KLF17: variants seen among roughly 807,000 people sequenced by gnomAD.
KLF17 encodes the protein Krueppel-like factor 17.
Under a neutral mutation model 34.2 loss-of-function variants are expected in KLF17, and 31 were observed. That is an observed-to-expected ratio of 0.91 (90% confidence interval 0.68 to 1.22). KLF17 has a LOEUF of 1.22. Ranked by LOEUF, KLF17 falls within the 50% of genes most tolerant of loss-of-function variation. KLF17 has a pLI of 0.00. For synonymous variants in KLF17, 179 were observed against 186.7 expected, an observed-to-expected ratio of 0.96 and a Z score of 0.34; for missense variants, 478 against 505.2, an observed-to-expected ratio of 0.95 and a Z score of 0.52.
At chr1:44,106,437 C>G in the KLF17 span, 1 of 152,214 alleles carries the variant, frequency 6.6e-6, no homozygotes. Context: ...CACTATACCC[C>G]ATCCCTATTC....
Position 44,130,033 on chromosome 1 carries a change from G to A in KLF17, c.762G>A (p.Gln254=). Residue 254 remains glutamine (Q), a synonymous_variant, in exon 2 of 4, where the codon CAG becomes CAA. Coordinates refer to ENST00000372299, the MANE Select transcript of KLF17 (RefSeq NM_173484.4). The part of the protein sequence containing the change: ...DSQEGPFLPE[Q]PGPAPQTVEK... Reference sequence around the variant, plus strand: ...AAGAAGGCCCATTTCTACCAGAGCAGCCCGGACCTGCTCCACAGACAGTAG... The same window carrying A: ...AAGAAGGCCCATTTCTACCAGAGCAACCCGGACCTGCTCCACAGACAGTAG... 6.2e-7 allele frequency: 1 copy of A among 1,614,206 alleles called. No individual in the cohort carries two copies. The highest frequency in any genetic ancestry group is 1.3e-5 in the African/African-American group (1 of 75,038).
At chr1:44,131,982 A>T (rs1178916167) in intron 3 of KLF17, among the ~76,000 whole-genome samples, 1 of 152,116 alleles carries the variant, frequency 6.6e-6, no homozygotes, top group Non-Finnish European at 1.5e-5. Context: ...AGCATAAGCC[A>T]TGGTGTCTGG....
At chr1:44,045,151 GC>G in the KLF17 span, 1 of 152,232 alleles carries the variant, frequency 6.6e-6, no homozygotes, top group African/African-American at 2.4e-5. Context: ...TTCCACAGGG[GC>G]GGGATGTTCT....
the KLF17 span, chr1:44,103,339 C>G: frequency 3.3e-6 from 1 of 307,204 alleles, no homozygotes; most frequent in Non-Finnish European, 6.0e-6. Flanking sequence ...ACTCGGACAC[C>G]GGACTCGGAC....
At position 44,130,562 on chromosome 1, in the gene KLF17, C is replaced by T. The variant is rs745641456; in HGVS notation, c.976C>T (p.Arg326Cys). ...NWESCSWSFF[R>C]SDELRRHMRV... Reference sequence around the variant, plus strand: ...GGAAAGTTGTTCATGGTCTTTCTTCCGTTCTGATGAGCTTAGACGACATAT... The same window carrying T: ...GGAAAGTTGTTCATGGTCTTTCTTCTGTTCTGATGAGCTTAGACGACATAT... Residue 326 changes from arginine to cysteine, a missense_variant, in exon 3 of 4, where the codon CGT (arginine) becomes TGT (cysteine). Arg to Cys is a radical substitution (Grantham distance 180, BLOSUM62 -3). Transcript: ENST00000372299. 18 of 1,613,906 alleles carry T rather than the reference C, an allele frequency of 1.1e-5. No individual in the cohort carries two copies. Among genetic ancestry groups the T allele is most frequent in the Non-Finnish European group, 1.3e-5 (15 of 1,179,978 alleles).
chr1:44,067,419 C>A, the KLF17 span, among the ~76,000 whole-genome samples: 1 of 152,244 alleles, frequency 6.6e-6, no homozygotes, highest in East Asian at 1.9e-4. Flanking sequence ...ATAAGGAAGG[C>A]TCTTAGGTCA....
At chr1:44,068,885 T>C in the KLF17 span, among the ~76,000 whole-genome samples, 1 of 152,188 alleles carries the variant, frequency 6.6e-6, no homozygotes, top group South Asian at 2.1e-4. Flanking sequence ...TGTAACACAA[T>C]TGTGACCCTG....
At chr1:44,052,815 A>G in the KLF17 span, among the ~76,000 whole-genome samples, 1 of 152,214 alleles carries the variant, frequency 6.6e-6, no homozygotes, top group Non-Finnish European at 1.5e-5. Flanking sequence ...CAAATTAGAC[A>G]AATTGAAAAA....
At chr1:44,102,692 T>C in the KLF17 span, among the ~76,000 whole-genome samples, 3 of 151,758 alleles carry the variant, frequency 2.0e-5, no homozygotes, top group East Asian at 5.8e-4. Context: ...CTGTAGACTT[T>C]GGGTGATAAT....
At chr1:44,051,786 G>A in the KLF17 span, among the ~76,000 whole-genome samples, 1 of 152,126 alleles carries the variant, frequency 6.6e-6, no homozygotes, top group Non-Finnish European at 1.5e-5. Context: ...GGCCATGCAA[G>A]GCCTCCTGTT....
Position 44,118,825 on chromosome 1 carries a change from C to A in KLF17, c.-83C>A. The stretch of plus-strand genomic sequence containing the variant: ...TAAATAGAAGGTGATTGTGGCGTGG[C>A]GATGTACCGATACCCGCCTGCGACG... On this transcript the variant is annotated 5_prime_UTR_variant, in exon 1 of 4. Transcript: ENST00000372299. 9.9e-7 allele frequency: 1 copy of A among 1,010,652 alleles called. No homozygotes were observed. The highest frequency in any genetic ancestry group is 1.4e-6 in the Non-Finnish European group (1 of 702,968). 62.6% of individuals were successfully genotyped at this position (1,010,652 alleles called of 1,614,324 possible).
the KLF17 span, among the ~76,000 whole-genome samples, chr1:44,083,140 G>T: frequency 4.0e-5 from 6 of 151,446 alleles, no homozygotes; most frequent in Admixed American, 1.3e-4. Context: ...TAGAGATGAG[G>T]CCTTGCTATG....
the KLF17 span, chr1:44,106,406 T>C: frequency 6.6e-6 from 1 of 152,382 alleles, no homozygotes; most frequent in Non-Finnish European, 1.5e-5. Flanking sequence ...CCAACTCCCA[T>C]TGCTATCTCC....
the KLF17 span, chr1:44,105,473 A>G: frequency 6.6e-6 from 1 of 152,120 alleles, no homozygotes; most frequent in African/African-American, 2.4e-5. Context: ...GAGGAAATGC[A>G]TCAATGCAGA....
chr1:44,106,258 A>T, the KLF17 span, among the ~76,000 whole-genome samples: 1 of 151,936 alleles, frequency 6.6e-6, no homozygotes, highest in Non-Finnish European at 1.5e-5. Context: ...TTCCACTCCC[A>T]CTTATCTCCT....
the KLF17 span, chr1:44,048,303 G>A: frequency 6.6e-6 from 1 of 152,198 alleles, no homozygotes; most frequent in Admixed American, 6.5e-5. Flanking sequence ...GGTGATTCAG[G>A]ATGTCCAGTT....
the KLF17 span, among the ~76,000 whole-genome samples, chr1:44,094,869 G>T: frequency 1.3e-5 from 2 of 150,740 alleles, no homozygotes; most frequent in South Asian, 4.2e-4. Context: ...TTTTTTTCTA[G>T]TTTTGTGAAA....
chr1:44,091,961 A>T, the KLF17 span, among the ~76,000 whole-genome samples: 4 of 116,558 alleles, frequency 3.4e-5, no homozygotes, highest in Non-Finnish European at 5.0e-5. Context: ...ACACACACAC[A>T]CTCTCTCTCT....
chr1:44,084,083 A>G, the KLF17 span, among the ~76,000 whole-genome samples: 46 of 152,256 alleles, frequency 3.0e-4, no homozygotes, highest in Non-Finnish European at 1.8e-4. Context: ...CATTTTATAC[A>G]TAAATGTTTT....
Sources: gnomAD v4.1 joint callset for allele counts (sites outside exome capture counted in the v4.1 genomes callset) on GRCh38, gnomAD v4.1.1 for gene constraint, MANE v1.5 for transcripts, NCBI Gene and HGNC (gene_info 2026-07-23, HGNC 2026-07-21) for gene names.